ATP5MC2: variants seen among roughly 807,000 people sequenced by gnomAD.
ATP5MC2 encodes the protein ATP synthase F(0) complex subunit C2, mitochondrial.
In ATP5MC2, 11 loss-of-function variants were observed where a neutral mutation model predicts 13.5. That is an observed-to-expected ratio of 0.81 (90% CI 0.51 to 1.35). ATP5MC2 has a LOEUF of 1.35. Ranked by LOEUF, ATP5MC2 falls within the 40% of genes most tolerant of loss-of-function variation. ATP5MC2 has a pLI of 0.00. For missense variants in ATP5MC2, 132 were observed against 175.0 expected (o/e 0.75, Z 1.39); for synonymous variants, 64 against 69.7 (o/e 0.92, Z 0.41).
At chr12:53,669,581 G>T (rs1478940254) in intron 3 of ATP5MC2, among the ~76,000 whole-genome samples, 1 of 152,168 alleles carries the variant, frequency 6.6e-6, no homozygotes, top group African/African-American at 2.4e-5. Context: ...CTGCCCCAAG[G>T]AGATCATCTT....
chr12:53,676,441 C>T, upstream of ATP5MC2: 2 of 501,734 alleles, frequency 4.0e-6, no homozygotes, highest in South Asian at 5.0e-5. Flanking sequence ...TGTTAACATA[C>T]GGTCGGGATT....
At chr12:53,675,502 G>A (rs1466231070) in intron 1 of ATP5MC2, among the ~76,000 whole-genome samples, 1 of 152,180 alleles carries the variant, frequency 6.6e-6, no homozygotes, top group Admixed American at 6.5e-5. Context: ...CCTAACGGGA[G>A]GCGATGTTTT....
At chr12:53,669,106 A>G in intron 4 of ATP5MC2, 42 bp downstream of exon 4, 1 of 1,556,860 alleles carries the variant, frequency 6.4e-7, no homozygotes, top group East Asian at 2.3e-5. Context: ...TGACCTTTGG[A>G]AAGCATATCA....
chr12:53,680,676 A>C (rs945188705), upstream of ATP5MC2, among the ~76,000 whole-genome samples: 3 of 142,656 alleles, frequency 2.1e-5, no homozygotes. Context: ...CAAAAAATAA[A>C]AACAAAATGT....
In ATP5MC2 at chr12:53,675,652, A is replaced by G. The variant is rs17101602; in HGVS notation, c.-32+401T>C. On this transcript the variant is annotated intron_variant, in intron 1 of 4. Coordinates refer to ENST00000394349, the MANE Select transcript of ATP5MC2 (RefSeq NM_005176.7). ...AGGTTCTGGGGCCTAAAGTCTGGAG[A>G]TTTCAGAATAAAGAAGGCACAAGTC... Among the ~76,000 whole-genome samples the G allele has an allele frequency of 6.0e-3, 918 of 152,282 alleles. 7 individuals carry two copies. The highest frequency in any genetic ancestry group is 0.021 in the African/African-American group (881 of 41,544).
At chr12:53,678,392 C>CA (rs2120430175), upstream of ATP5MC2, among the ~76,000 whole-genome samples, 1 of 151,978 alleles carries the variant, frequency 6.6e-6, no homozygotes, top group Admixed American at 6.6e-5. Context: ...CCATCATCAT[C>CA]ACTGCTTCTA....
intron 4 of ATP5MC2, among the ~76,000 whole-genome samples, chr12:53,665,736 CA>C (rs1358009990): frequency 6.2e-5 from 5 of 80,620 alleles, no homozygotes; most frequent in African/African-American, 3.4e-4. Context: ...ACTTAATATC[CA>C]GGGCCCAAAT....
intron 1 of ATP5MC2, 38 bp downstream of exon 1, chr12:53,676,015 G>T (rs368947901): frequency 1.9e-6 from 3 of 1,601,552 alleles, no homozygotes; most frequent in African/African-American, 2.7e-5. Flanking sequence ...CCGCGCGCGT[G>T]CGCAGCGCAC....
rs112533117 is a variant in ATP5MC2 at position 53,667,851 on chromosome 12, T to G, written c.311+1297A>C. 4.2e-3 allele frequency among the ~76,000 whole-genome samples: 639 copies of G among 151,876 alleles called. 3 individuals are homozygous for G. The highest frequency in any genetic ancestry group is 0.015 in the African/African-American group (606 of 41,468). ...CCTGGCTATGGCCCAGATTTGGCCC[T>G]TAGGCCTTAGTTTGCCAACACATGC... On this transcript the variant is annotated intron_variant, in intron 4 of 4. Coordinates refer to ENST00000394349, the MANE Select transcript of ATP5MC2 (RefSeq NM_005176.7).
At chr12:53,675,291 GTC>G (rs1945231531) in intron 1 of ATP5MC2, among the ~76,000 whole-genome samples, 1 of 152,176 alleles carries the variant, frequency 6.6e-6, no homozygotes, top group South Asian at 2.1e-4. Flanking sequence ...GGCAGGCAGG[GTC>G]TCATGCTGGC....
At chr12:53,676,797 G>C (rs1334800664), upstream of ATP5MC2, 2 of 152,862 alleles carry the variant, frequency 1.3e-5, no homozygotes, top group African/African-American at 4.8e-5. Flanking sequence ...CTCTGCTCAG[G>C]TTTCAACTAC....
At chr12:53,669,462 C>G (rs1231599970) in intron 3 of ATP5MC2, 121 bp from the exon 4 acceptor site, 1 of 1,437,560 alleles carries the variant, frequency 7.0e-7, no homozygotes, top group Admixed American at 2.8e-5. Context: ...TGTTTAACGC[C>G]CTAAAATGCT....
chr12:53,676,139 G>C (rs1565630011), upstream of ATP5MC2: 1 of 1,614,128 alleles, frequency 6.2e-7, no homozygotes, highest in Non-Finnish European at 8.5e-7. Context: ...CCGGGCCAAC[G>C]AGTCGCTCAG....
intron 4 of ATP5MC2, among the ~76,000 whole-genome samples, chr12:53,667,595 C>A (rs1047990153): frequency 1.3e-5 from 2 of 151,872 alleles, no homozygotes; most frequent in African/African-American, 4.8e-5. Flanking sequence ...CTTCAGGGTT[C>A]AAGTGATTTT....
chr12:53,666,943 C>CAAA (rs58565014), intron 4 of ATP5MC2, among the ~76,000 whole-genome samples: 3,951 of 103,224 alleles, frequency 0.038, 122 homozygotes, highest in Middle Eastern at 0.099. Flanking sequence ...GACTCAGTCT[C>CAAA]AAAAAAAAAA....
chr12:53,670,551 T>C (rs906320958), intron 2 of ATP5MC2, among the ~76,000 whole-genome samples: 2 of 152,020 alleles, frequency 1.3e-5, no homozygotes, highest in African/African-American at 2.4e-5. Context: ...TGCAACAGAG[T>C]ATTGTACCAC....
At chr12:53,675,736 A>C (rs1945243338) in intron 1 of ATP5MC2, among the ~76,000 whole-genome samples, 2 of 152,314 alleles carry the variant, frequency 1.3e-5, no homozygotes, top group East Asian at 3.9e-4. Flanking sequence ...CACAATCTGA[A>C]AGGGCCAGAG....
At chr12:53,669,005 G>A (rs1390719955) in intron 4 of ATP5MC2, 143 bp downstream of exon 4, 6 of 1,179,558 alleles carry the variant, frequency 5.1e-6, no homozygotes, top group African/African-American at 3.1e-5. Flanking sequence ...GAAACAGAGC[G>A]TTACTGTCTC....
In ATP5MC2 at chr12:53,669,989, A is replaced by G. The variant is rs759188547; in HGVS notation, c.40-41T>C. 1.2e-5 allele frequency: 19 copies of G among 1,591,754 alleles called. No individual in the cohort carries two copies. In the Admixed American group the frequency reaches 1.8e-4, roughly 15 times the overall value. On this transcript the variant is annotated intron_variant, in intron 2 of 4. Transcript: ENST00000394349. ...TACAGGGGCAGGAAGGTCAAGGAAG[A>G]CTGGAGAGGAGTTTCAGAACTATGC... is the stretch of plus-strand genomic sequence containing the variant.
Sources: gnomAD v4.1 joint callset for allele counts (sites outside exome capture counted in the v4.1 genomes callset) on GRCh38, gnomAD v4.1.1 for gene constraint, MANE v1.5 for transcripts, NCBI Gene and HGNC (gene_info 2026-07-23, HGNC 2026-07-21) for gene names.